Variants in SEMA4F observed in about 807,000 individuals in gnomAD.
SEMA4F encodes the protein semaphorin-4F.
Under a neutral mutation model 78.4 loss-of-function variants are expected in SEMA4F, and 51 were observed. That is an observed-to-expected ratio of 0.65 (90% confidence interval 0.52 to 0.82). The LOEUF is 0.82. Among genes scored for constraint, SEMA4F ranks in the 40% least tolerant of loss-of-function variants. The pLI is 0.00. For missense variants in SEMA4F, 938 were observed against 1,014.4 expected (o/e 0.92, Z 1.02); for synonymous variants, 418 against 408.7 (o/e 1.02, Z -0.27).
the SEMA4F span, among the ~76,000 whole-genome samples, chr2:74,693,359 G>GA: frequency 3.3e-5 from 5 of 152,212 alleles, no homozygotes; most frequent in Non-Finnish European, 7.3e-5. Flanking sequence ...GGCCCAGACA[G>GA]AACTCATTCT....
intron 1 of SEMA4F, among the ~76,000 whole-genome samples, chr2:74,655,106 C>T (rs1558714969): frequency 6.6e-6 from 1 of 152,222 alleles, no homozygotes; most frequent in South Asian, 2.1e-4. Flanking sequence ...TCCCGCTCCC[C>T]TGACATCTCT....
At chr2:74,684,820 C>T (rs1489466176), downstream of SEMA4F, among the ~76,000 whole-genome samples, 3 of 152,128 alleles carry the variant, frequency 2.0e-5, no homozygotes, top group Non-Finnish European at 2.9e-5. Flanking sequence ...AAAGTTAGCT[C>T]GGGATGGTGG....
At chr2:74,662,883 T>C (rs2104938651) in intron 5 of SEMA4F, 58 bp downstream of exon 5, 1 of 1,379,148 alleles carries the variant, frequency 7.3e-7, no homozygotes, top group Non-Finnish European at 1.0e-6. Context: ...TTCCCCACCC[T>C]TGCTGTTAGA....
rs771563690 is a variant in SEMA4F, at chr2:74,674,963, A to G, written c.1077A>G (p.Arg359=). ...GGACAGTGCTGAATGGTCCCTTCAG[A>G]GAACTAAAACATGACTGCAACAGAG... The part of the protein sequence containing the change: ...DIRTVLNGPF[R]ELKHDCNRGL... Residue 359 remains arginine (R), a synonymous_variant, in exon 9 of 14, where the codon AGA becomes AGG. Coordinates refer to ENST00000357877, the MANE Select transcript of SEMA4F (RefSeq NM_004263.5). 2.4e-5 allele frequency: 39 copies of G among 1,613,734 alleles called. No homozygotes were observed. In the South Asian group the frequency reaches 4.3e-4, roughly 18 times the overall value.
chr2:74,682,858 G>C lies in SEMA4F; in HGVS notation c.*2649G>C, dbSNP rs1685694599. ...TCTAATCACCTAGGGCCAGGCACCA[G>C]ACAACTAGGGATGGCCTCTTTACCC... On this transcript the variant is annotated 3_prime_UTR_variant, in exon 14 of 14. Transcript: ENST00000357877. 6.6e-6 allele frequency: 1 copy of C among 152,238 alleles called. No homozygotes were observed. Among genetic ancestry groups the C allele is most frequent in the Admixed American group, 6.5e-5 (1 of 15,276 alleles). 9.4% of individuals were successfully genotyped at this position (152,238 alleles called of 1,614,324 possible).
At chr2:74,690,985 T>A in the SEMA4F span, among the ~76,000 whole-genome samples, 1 of 152,210 alleles carries the variant, frequency 6.6e-6, no homozygotes, top group Non-Finnish European at 1.5e-5. Flanking sequence ...TGTAGAACTT[T>A]CACATAGCCA....
At chr2:74,701,449 G>A in the SEMA4F span, among the ~76,000 whole-genome samples, 26 of 152,232 alleles carry the variant, frequency 1.7e-4, no homozygotes, top group African/African-American at 5.3e-4. Flanking sequence ...CCACAGCCAG[G>A]TTGAGTGGTT....
intron 5 of SEMA4F, among the ~76,000 whole-genome samples, chr2:74,665,234 T>C (rs1285796703): frequency 1.3e-5 from 2 of 149,688 alleles, no homozygotes; most frequent in Non-Finnish European, 3.0e-5. Flanking sequence ...TTTTCTTTTT[T>C]TTTTTTTTTT....
intron 5 of SEMA4F, among the ~76,000 whole-genome samples, chr2:74,672,431 T>C (rs767877285): frequency 6.6e-6 from 1 of 152,182 alleles, no homozygotes; most frequent in Non-Finnish European, 1.5e-5. Flanking sequence ...CTGACTCACA[T>C]GGGGGTTCTT....
the SEMA4F span, among the ~76,000 whole-genome samples, chr2:74,698,725 A>G: frequency 1.3e-5 from 2 of 152,212 alleles, no homozygotes; most frequent in Admixed American, 6.5e-5. Flanking sequence ...AAGTCATGCC[A>G]TGGTGAGTTT....
chr2:74,708,793 G>A, the SEMA4F span, among the ~76,000 whole-genome samples: 22 of 152,264 alleles, frequency 1.4e-4, no homozygotes, highest in African/African-American at 5.1e-4. Context: ...TTATAAAAAT[G>A]CTTCAATGAG....
chr2:74,678,768 A>G (rs959409778), intron 12 of SEMA4F, among the ~76,000 whole-genome samples: 6 of 152,188 alleles, frequency 3.9e-5, no homozygotes, highest in African/African-American at 1.4e-4. Context: ...GTATATATCA[A>G]CCACTATTGA....
At chr2:74,700,607 A>G in the SEMA4F span, among the ~76,000 whole-genome samples, 13 of 152,274 alleles carry the variant, frequency 8.5e-5, no homozygotes, top group East Asian at 1.9e-3. Flanking sequence ...TAGAAAAATC[A>G]TTTATTCCTC....
At position 74,679,855 on chromosome 2, in the gene SEMA4F, G is replaced by A. The variant is rs768400841; in HGVS notation, c.1959G>A (p.Pro653=). The change falls in exon 14 of 14, where the codon CCG becomes CCA. Residue 653 remains proline, a synonymous_variant. Coordinates refer to ENST00000357877, the MANE Select transcript of SEMA4F (RefSeq NM_004263.5). ...TATGGGGCAGCCAGCGAGATGCTCC[G>A]AGCCGGGCCCACACAGTGGGGGCGG... ...SLVWGSQRDA[P]SRAHTVGAGL... is the part of the protein sequence containing the mutation. 20 of 1,614,204 alleles carry A rather than the reference G, an allele frequency of 1.2e-5. No homozygotes were observed. The highest frequency in any genetic ancestry group is 4.5e-5 in the East Asian group (2 of 44,878).
At chr2:74,667,032 G>A (rs541485451) in intron 5 of SEMA4F, among the ~76,000 whole-genome samples, 284 of 152,060 alleles carry the variant, frequency 1.9e-3, no homozygotes, top group African/African-American at 6.3e-3. Flanking sequence ...ATGTGTCTGC[G>A]TATTTATTAT....
At chr2:74,677,379 A>G (rs1685351244) in intron 12 of SEMA4F, among the ~76,000 whole-genome samples, 3 of 152,204 alleles carry the variant, frequency 2.0e-5, no homozygotes, top group Non-Finnish European at 1.5e-5. Flanking sequence ...AATCCTGGAC[A>G]TCATTTCACT....
chr2:74,705,317 A>G, the SEMA4F span, among the ~76,000 whole-genome samples: 13 of 152,230 alleles, frequency 8.5e-5, no homozygotes, highest in Non-Finnish European at 1.0e-4. Flanking sequence ...AATTGAGAAT[A>G]AGAACAAAGA....
At chr2:74,684,327 T>C (rs1685764248), downstream of SEMA4F, among the ~76,000 whole-genome samples, 1 of 152,188 alleles carries the variant, frequency 6.6e-6, no homozygotes, top group East Asian at 1.9e-4. Context: ...TGGGTATTTA[T>C]TGTGTTACTA....
At chr2:74,673,618 T>C (rs774354754) in intron 6 of SEMA4F, 42 bp downstream of exon 6, 1 of 1,613,120 alleles carries the variant, frequency 6.2e-7, no homozygotes, top group South Asian at 1.1e-5. Context: ...ACCGATGGGG[T>C]GGAGTCTGGG....
Sources: allele counts gnomAD v4.1 joint callset (sites outside exome capture counted in the v4.1 genomes callset), GRCh38; gene constraint gnomAD v4.1.1; transcripts MANE v1.5; gene names NCBI Gene and HGNC (gene_info 2026-07-23, HGNC 2026-07-21).